Variants in KCNIP4 observed in about 807,000 individuals in gnomAD.
The protein encoded by KCNIP4 is Kv channel-interacting protein 4.
In KCNIP4, 12 loss-of-function variants were observed where a neutral mutation model predicts 34.0. The ratio of observed to expected loss-of-function variants is 0.35; its 90% CI spans 0.23 to 0.57. KCNIP4 has a LOEUF of 0.57. Among genes scored for constraint, KCNIP4 ranks in the 20% least tolerant of loss-of-function variants. The pLI, the probability that KCNIP4 is intolerant of heterozygous loss-of-function variation, is 0.83. For missense variants in KCNIP4, 238 were observed against 311.7 expected (o/e 0.76, Z 1.78); for synonymous variants, 124 against 102.2 (o/e 1.21, Z -1.29).
intron 1 of KCNIP4, among the ~76,000 whole-genome samples, chr4:21,632,990 C>T (rs139014758): frequency 2.0e-3 from 305 of 152,240 alleles, no homozygotes; most frequent in African/African-American, 6.6e-3. Flanking sequence ...TATTTCTAAA[C>T]GGTACGTTCT....
At chr4:21,292,448 T>C (rs911038633) in intron 1 of KCNIP4, among the ~76,000 whole-genome samples, 9 of 152,204 alleles carry the variant, frequency 5.9e-5, no homozygotes, top group Admixed American at 5.9e-4. Flanking sequence ...TTCCCTTCTC[T>C]TTGAACACGT....
chr4:21,943,351 C>T (rs1730308075), intron 1 of KCNIP4, among the ~76,000 whole-genome samples: 1 of 152,126 alleles, frequency 6.6e-6, no homozygotes, highest in Non-Finnish European at 1.5e-5. Context: ...TACAGATTTT[C>T]ACCAGGCAAT....
At position 21,136,798 on chromosome 4, in the gene KCNIP4, T is replaced by G. The variant is rs999293637; in HGVS notation, c.62-254089A>C. ...CCAGAGTTTTGATACGACTTAGATA[T>G]AAGGGTTGAGTCAGGACAAACTATT... On this transcript the variant is annotated intron_variant, in intron 1 of 8. Coordinates refer to ENST00000382152, the MANE Select transcript of KCNIP4 (RefSeq NM_025221.6). 2.0e-5 allele frequency among the ~76,000 whole-genome samples: 3 copies of G among 152,200 alleles called. No individual in the cohort carries two copies. The East Asian group carries it at 5.8e-4, about 29-fold the overall frequency.
intron 1 of KCNIP4, among the ~76,000 whole-genome samples, chr4:20,986,941 C>T (rs1406759362): frequency 6.8e-6 from 1 of 146,438 alleles, no homozygotes; most frequent in Non-Finnish European, 1.5e-5. Flanking sequence ...TCTGAGCTGT[C>T]TCTCAGCTGT....
chr4:21,795,135 A>G (rs566652789), intron 1 of KCNIP4, among the ~76,000 whole-genome samples: 44 of 152,320 alleles, frequency 2.9e-4, no homozygotes, highest in African/African-American at 1.0e-3. Flanking sequence ...TGATGAAGTT[A>G]AAATGAGGCC....
chr4:21,247,578 C>CATAT (rs368574338), intron 1 of KCNIP4, among the ~76,000 whole-genome samples: 6,320 of 133,910 alleles, frequency 0.047, 262 homozygotes, highest in African/African-American at 0.097. Context: ...GATATAAATA[C>CATAT]ATATATATAT....
intron 1 of KCNIP4, among the ~76,000 whole-genome samples, chr4:21,379,916 C>T (rs1335651252): frequency 7.6e-6 from 1 of 130,722 alleles, no homozygotes; most frequent in African/African-American, 2.9e-5. Context: ...AGTGCTCGTT[C>T]TCTGGAACTG....
At chr4:21,170,353 T>G (rs1419559067) in intron 1 of KCNIP4, among the ~76,000 whole-genome samples, 1 of 152,210 alleles carries the variant, frequency 6.6e-6, no homozygotes, top group East Asian at 1.9e-4. Context: ...AACAGAAGTC[T>G]TTGAAGAAAT....
At position 21,596,073 on chromosome 4, in the gene KCNIP4, G is replaced by A. The variant is rs114843818; in HGVS notation, c.61+352498C>T. On this transcript the variant is annotated intron_variant, in intron 1 of 8. Coordinates refer to ENST00000382152, the MANE Select transcript of KCNIP4 (RefSeq NM_025221.6). ...TTGTCCTTAGCGCAACCAACGCCTT[G>A]TATCATGGCCCAACTCTCTTAATTG... Among the ~76,000 whole-genome samples the A allele has an allele frequency of 6.1e-3, 929 of 152,162 alleles. 13 individuals are homozygous for A. Among genetic ancestry groups the A allele is most frequent in the African/African-American group, 0.021 (871 of 41,520 alleles).
At chr4:21,713,340 G>C (rs1399189700) in intron 1 of KCNIP4, among the ~76,000 whole-genome samples, 1 of 152,156 alleles carries the variant, frequency 6.6e-6, no homozygotes, top group Non-Finnish European at 1.5e-5. Context: ...AGCATCTAAA[G>C]TTTCTGCAAG....
At chr4:21,166,548 C>T (rs1753637724) in intron 1 of KCNIP4, among the ~76,000 whole-genome samples, 1 of 152,124 alleles carries the variant, frequency 6.6e-6, no homozygotes, top group Admixed American at 6.5e-5. Flanking sequence ...CTCAAGAGAA[C>T]AGAAAGCATA....
At chr4:20,836,886 T>C (rs968176171) in intron 3 of KCNIP4, among the ~76,000 whole-genome samples, 6 of 151,950 alleles carry the variant, frequency 3.9e-5, no homozygotes, top group African/African-American at 9.7e-5. Context: ...TTTTTTTCCA[T>C]TGGATGTACC....
intron 1 of KCNIP4, among the ~76,000 whole-genome samples, chr4:21,221,657 G>A (rs1757991551): frequency 6.6e-6 from 1 of 152,198 alleles, no homozygotes; most frequent in East Asian, 1.9e-4. Flanking sequence ...GATGATATTC[G>A]GGTGGGGACA....
chr4:21,716,114 A>T lies in KCNIP4; in HGVS notation c.61+232457T>A, dbSNP rs143660295. Among the ~76,000 whole-genome samples the T allele has an allele frequency of 5.6e-3, 860 of 152,310 alleles. 11 individuals carry two copies. The highest frequency in any genetic ancestry group is 0.02 in the African/African-American group (821 of 41,542). Reference sequence around the variant, plus strand: ...CTGAAGTTTATGGGGAGCAGCTAAAACTAAGAATAAAACAAATCATTCTTG... The same window carrying T: ...CTGAAGTTTATGGGGAGCAGCTAAATCTAAGAATAAAACAAATCATTCTTG... On this transcript the variant is annotated intron_variant, in intron 1 of 8. Coordinates refer to ENST00000382152, the MANE Select transcript of KCNIP4 (RefSeq NM_025221.6).
chr4:21,893,414 G>A (rs912562183), intron 1 of KCNIP4, among the ~76,000 whole-genome samples: 7 of 152,128 alleles, frequency 4.6e-5, no homozygotes, highest in Non-Finnish European at 5.9e-5. Context: ...TTGTTCCAAC[G>A]ATGAGGCTTC....
intron 1 of KCNIP4, among the ~76,000 whole-genome samples, chr4:21,706,996 C>G (rs978718147): frequency 2.6e-5 from 4 of 152,144 alleles, no homozygotes; most frequent in Non-Finnish European, 4.4e-5. Context: ...TCCCCTACTT[C>G]ACTGAGTAAA....
intron 1 of KCNIP4, among the ~76,000 whole-genome samples, chr4:21,286,593 C>T (rs1230510995): frequency 1.3e-5 from 2 of 152,078 alleles, no homozygotes; most frequent in African/African-American, 4.8e-5. Flanking sequence ...CCTAGGGATT[C>T]CTGATGTTTG....
chr4:21,222,306 C>T (rs1327393778), intron 1 of KCNIP4, among the ~76,000 whole-genome samples: 1 of 152,032 alleles, frequency 6.6e-6, no homozygotes, highest in Non-Finnish European at 1.5e-5. Flanking sequence ...TCAAAGGAAG[C>T]ACTGGTCTTA....
chr4:21,740,215 T>C (rs773969070), intron 1 of KCNIP4, among the ~76,000 whole-genome samples: 10 of 152,202 alleles, frequency 6.6e-5, no homozygotes, highest in Non-Finnish European at 1.5e-4. Flanking sequence ...CATACACATA[T>C]ACAGTTATGG....
Sources: gnomAD v4.1 joint callset for allele counts (sites outside exome capture counted in the v4.1 genomes callset) on GRCh38, gnomAD v4.1.1 for gene constraint, MANE v1.5 for transcripts, NCBI Gene and HGNC (gene_info 2026-07-23, HGNC 2026-07-21) for gene names.